Variants in PCDH15 observed in about 807,000 individuals in gnomAD.
PCDH15 encodes protocadherin related 15.
A neutral mutation model predicts 178.5 loss-of-function variants in PCDH15; 129 were observed. The ratio of observed to expected loss-of-function variants is 0.72; its 90% confidence interval spans 0.63 to 0.84. The LOEUF is 0.84. Among genes scored for constraint, PCDH15 ranks in the 40% least tolerant of loss-of-function variants. The pLI is 0.00. For missense variants in PCDH15, 2,230 were observed against 2,099.9 expected (o/e 1.06, Z -1.21); for synonymous variants, 800 against 732.0 (o/e 1.09, Z -1.50).
intron 2 of PCDH15, among the ~76,000 whole-genome samples, chr10:55,097,338 A>C (rs1345757543): frequency 6.6e-6 from 1 of 152,232 alleles, no homozygotes; most frequent in African/African-American, 2.4e-5. Context: ...CTTAAGAAGT[A>C]AAGTAACCTG....
intron 3 of PCDH15, among the ~76,000 whole-genome samples, chr10:54,405,330 T>C (rs541251453): frequency 1.3e-5 from 2 of 152,188 alleles, no homozygotes; most frequent in South Asian, 4.1e-4. Context: ...ATTCCATGTG[T>C]ACCACATGGA....
rs563428772 is a variant in PCDH15, at chr10:54,472,284, A to G, written c.157+55528T>C. ...GTATTTGGTTGCTGTTCCAAATGTT[A>G]TGCAAAAAAAAAAAAAAATCAATTT... On this transcript the variant is annotated intron_variant, in intron 3 of 37. Coordinates refer to ENST00000644397, the MANE Select transcript of PCDH15 (RefSeq NM_001384140.1). 8.0e-4 allele frequency among the ~76,000 whole-genome samples: 107 copies of G among 134,000 alleles called. 1 individual carries two copies. The highest frequency in any genetic ancestry group is 3.2e-3 in the African/African-American group (103 of 32,392). The allele number at this position is 134,000 out of a possible 152,430, so 87.9% of individuals were successfully genotyped here.
intron 1 of PCDH15, among the ~76,000 whole-genome samples, chr10:54,745,975 C>T (rs1190417090): frequency 1.3e-5 from 2 of 152,158 alleles, no homozygotes; most frequent in African/African-American, 2.4e-5. Context: ...GTCAAAATCT[C>T]CTTCCTGAAC....
At chr10:55,463,309 T>C (rs897117423) in intron 2 of PCDH15, among the ~76,000 whole-genome samples, 10 of 152,092 alleles carry the variant, frequency 6.6e-5, no homozygotes, top group African/African-American at 2.4e-4. Flanking sequence ...ATCCTGTAGA[T>C]ATTTTATTCC....
At position 55,598,513 on chromosome 10, in the gene PCDH15, AATATATATATATATATAT is replaced by A. The variant is rs61184409; in HGVS notation, c.-156+29094_-156+29111del. On this transcript the variant is annotated intron_variant, in intron 2 of 5. Coordinates refer to the PCDH15 transcript ENST00000613346. The stretch of plus-strand genomic sequence containing the variant: ...TATAACACCAGCTTCAGCAAACCCT[AATATATATATATATATAT>A]ATATATATATATATATATATATATA... Among the ~76,000 whole-genome samples, 370 of 83,396 alleles carry A rather than the reference AATATATATATATATATAT, an allele frequency of 4.4e-3. 6 individuals are homozygous for A. The highest frequency in any genetic ancestry group is 4.7e-3 in the African/African-American group (128 of 26,984). 54.7% of individuals were successfully genotyped at this position (83,396 alleles called of 152,430 possible).
At chr10:55,258,199 A>C (rs1842052539) in intron 1 of PCDH15, among the ~76,000 whole-genome samples, 1 of 152,198 alleles carries the variant, frequency 6.6e-6, no homozygotes, top group African/African-American at 2.4e-5. Context: ...GAATTGGAGT[A>C]TTTTAAGAAA....
At chr10:54,892,618 T>C (rs920129029) in intron 3 of PCDH15, among the ~76,000 whole-genome samples, 2 of 151,148 alleles carry the variant, frequency 1.3e-5, no homozygotes, top group Admixed American at 1.3e-4. Flanking sequence ...TATAAACCAA[T>C]AATTAAACAA....
intron 15 of PCDH15, among the ~76,000 whole-genome samples, chr10:54,095,464 A>G (rs1013054708): frequency 6.6e-6 from 1 of 151,950 alleles, no homozygotes; most frequent in Non-Finnish European, 1.5e-5. Flanking sequence ...TATAACATAT[A>G]TGAAACTTGG....
intron 2 of PCDH15, among the ~76,000 whole-genome samples, chr10:54,657,422 G>T (rs935750764): frequency 3.3e-5 from 5 of 152,164 alleles, no homozygotes; most frequent in African/African-American, 1.2e-4. Flanking sequence ...ATGCTTAAGT[G>T]CCATCACTGG....
At chr10:54,142,434 A>G (rs180847211) in intron 14 of PCDH15, among the ~76,000 whole-genome samples, 48 of 152,248 alleles carry the variant, frequency 3.2e-4, no homozygotes, top group Non-Finnish European at 5.7e-4. Flanking sequence ...CCAGAAATTA[A>G]AACTATTCAA....
At chr10:55,337,785 T>C (rs1844436287) in intron 2 of PCDH15, among the ~76,000 whole-genome samples, 2 of 152,046 alleles carry the variant, frequency 1.3e-5, no homozygotes, top group African/African-American at 4.8e-5. Flanking sequence ...TTTCCATAAA[T>C]GAAAAATTTA....
intron 2 of PCDH15, among the ~76,000 whole-genome samples, chr10:54,563,129 A>AT: frequency 6.6e-6 from 1 of 152,302 alleles, no homozygotes; most frequent in East Asian, 1.9e-4. Flanking sequence ...ATCAAGGTGG[A>AT]TTTTTAAAAC....
At chr10:55,385,693 CTATATATATA>C (rs57143868) in intron 2 of PCDH15, among the ~76,000 whole-genome samples, 2 of 128,766 alleles carry the variant, frequency 1.6e-5, no homozygotes, top group Non-Finnish European at 3.3e-5. Flanking sequence ...CTTCCTCTGC[CTATATATATA>C]TATATATATA....
intron 2 of PCDH15, among the ~76,000 whole-genome samples, chr10:55,540,508 G>GA (rs1423377031): frequency 6.6e-6 from 1 of 151,984 alleles, no homozygotes. Flanking sequence ...TCAGGCTTAT[G>GA]AAAAAACAAA....
At chr10:55,599,890 A>G in intron 2 of PCDH15, 1 of 1,506,714 alleles carries the variant, frequency 6.6e-7, no homozygotes, top group Non-Finnish European at 8.9e-7. Flanking sequence ...CTAAGTAGGG[A>G]CTTGTATGAA....
rs556394155 is a variant in PCDH15, at chr10:54,265,633, G to GA, written c.877-28703dup. 1.6e-3 allele frequency among the ~76,000 whole-genome samples: 242 copies of GA among 152,100 alleles called. 1 individual carries two copies. The highest frequency in any genetic ancestry group is 1.7e-3 in the East Asian group (9 of 5,182). ...AAGAGCAGGAGTTTCTATTCTATCA[G>GA]AAAAAACAGATCTTAAGCCTAAAAC... On this transcript the variant is annotated intron_variant, in intron 8 of 37. Transcript: ENST00000644397.
chr10:54,761,309 G>T (rs1181115242), intron 1 of PCDH15, among the ~76,000 whole-genome samples: 2 of 152,072 alleles, frequency 1.3e-5, no homozygotes, highest in East Asian at 1.9e-4. Flanking sequence ...ATTAGTCACA[G>T]TTGCCAAGAA....
At chr10:55,509,207 A>C (rs1026649888) in intron 2 of PCDH15, among the ~76,000 whole-genome samples, 1 of 151,724 alleles carries the variant, frequency 6.6e-6, no homozygotes, top group African/African-American at 2.4e-5. Flanking sequence ...CAATGATCTG[A>C]AATGCCCTCA....
chr10:54,195,959 C>T (rs2049584814), intron 10 of PCDH15, 70 bp from the exon 11 acceptor site: 1 of 1,376,814 alleles, frequency 7.3e-7, no homozygotes, highest in Admixed American at 1.8e-5. Context: ...TTTCACTTTT[C>T]ATGCAATATA....
Sources: allele counts gnomAD v4.1 joint callset (sites outside exome capture counted in the v4.1 genomes callset), GRCh38; gene constraint gnomAD v4.1.1; transcripts MANE v1.5; gene names NCBI Gene and HGNC (gene_info 2026-07-23, HGNC 2026-07-21).